Variants in SPATA31H1 observed in about 807,000 individuals in gnomAD.
The protein encoded by SPATA31H1 is SPATA31 subfamily H member 1, also known as spermatogenesis-associated protein 31H1.
At chr2:27,582,613 C>A in the SPATA31H1 span, 8 of 1,349,892 alleles carry the variant, frequency 5.9e-6, no homozygotes, top group South Asian at 8.6e-5. Flanking sequence ...CCACTGCCTC[C>A]AATTCCTGCG....
the SPATA31H1 span, chr2:27,565,195 G>A: frequency 8.3e-6 from 5 of 604,238 alleles, no homozygotes; most frequent in South Asian, 1.0e-4. Context: ...GCATTTACAT[G>A]TGGTTATGGA....
chr2:27,548,439 C>G, the SPATA31H1 span, among the ~76,000 whole-genome samples: 2 of 151,394 alleles, frequency 1.3e-5, no homozygotes, highest in African/African-American at 4.9e-5. Flanking sequence ...GAAACCCTGA[C>G]TCTACTAACA....
chr2:27,567,164 G>C, the SPATA31H1 span: 20 of 669,332 alleles, frequency 3.0e-5, no homozygotes, highest in Middle Eastern at 7.2e-4. Context: ...AAAATGATGA[G>C]AGAATGAGCA....
the SPATA31H1 span, chr2:27,579,836 T>A: frequency 6.2e-7 from 1 of 1,614,094 alleles, no homozygotes; most frequent in Non-Finnish European, 8.5e-7. Flanking sequence ...TGCTAGAAGA[T>A]CTGCAGCTAA....
chr2:27,581,720 AAGCCATCGCAGTCCCGCTCGGAGG>A, the SPATA31H1 span: 82 of 1,611,038 alleles, frequency 5.1e-5, no homozygotes, highest in Non-Finnish European at 6.7e-5. Context: ...CCTCTAAGAG[AAGCCATCGCAGTCCCGCTCGGAGG>A]AGCCATCGCA....
At chr2:27,553,996 A>G in the SPATA31H1 span, among the ~76,000 whole-genome samples, 1 of 152,098 alleles carries the variant, frequency 6.6e-6, no homozygotes, top group Non-Finnish European at 1.5e-5. Context: ...TCCATAGAAC[A>G]CTAGAACATG....
At chr2:27,574,637 ATCT>A in the SPATA31H1 span, 1 of 398,402 alleles carries the variant, frequency 2.5e-6, no homozygotes, top group African/African-American at 2.1e-5. Flanking sequence ...AAAGCGAAAA[ATCT>A]TCTGAGTTGA....
At chr2:27,581,160 C>A in the SPATA31H1 span, 1 of 1,614,240 alleles carries the variant, frequency 6.2e-7, no homozygotes, top group South Asian at 1.1e-5. Flanking sequence ...GCACCGACAT[C>A]TTAAAGACAA....
the SPATA31H1 span, chr2:27,567,094 A>G: frequency 1.4e-6 from 1 of 713,684 alleles, no homozygotes; most frequent in Non-Finnish European, 2.6e-6. Flanking sequence ...TTACAACCTC[A>G]GAGCTCTTTT....
At chr2:27,580,074 T>C in the SPATA31H1 span, 1 of 1,614,140 alleles carries the variant, frequency 6.2e-7, no homozygotes, top group Non-Finnish European at 8.5e-7. Flanking sequence ...GCATCTTGGC[T>C]TTAGGCTGAG....
chr2:27,580,150 C>G, the SPATA31H1 span: 1 of 1,614,152 alleles, frequency 6.2e-7, no homozygotes, highest in Non-Finnish European at 8.5e-7. Context: ...CGGAGAAGCC[C>G]TATATCACCA....
At chr2:27,540,794 G>A in the SPATA31H1 span, among the ~76,000 whole-genome samples, 148 of 73,656 alleles carry the variant, frequency 2.0e-3, no homozygotes, top group South Asian at 3.3e-3. Flanking sequence ...GACGATGGGC[G>A]GCCGGGCAGA....
the SPATA31H1 span, among the ~76,000 whole-genome samples, chr2:27,560,391 C>T: frequency 2.0e-5 from 3 of 151,654 alleles, no homozygotes; most frequent in East Asian, 5.8e-4. Flanking sequence ...TCAATAGCAT[C>T]TTAAATTTAA....
chr2:27,544,591 G>A, the SPATA31H1 span, among the ~76,000 whole-genome samples: 1 of 140,472 alleles, frequency 7.1e-6, no homozygotes, highest in Admixed American at 8.0e-5. Context: ...CTGGAGTACA[G>A]TGGCGCAATC....
At chr2:27,537,697 G>A in the SPATA31H1 span, 7 of 628,304 alleles carry the variant, frequency 1.1e-5, no homozygotes, top group Non-Finnish European at 2.0e-5. Context: ...CCCATGGATA[G>A]TCTTCCTATA....
At chr2:27,573,243 T>A in the SPATA31H1 span, 14 of 397,896 alleles carry the variant, frequency 3.5e-5, no homozygotes, top group Non-Finnish European at 5.8e-5. Flanking sequence ...AGGACCACAG[T>A]TGCAGAAAGG....
chr2:27,538,644 C>G, the SPATA31H1 span, among the ~76,000 whole-genome samples: 9 of 151,970 alleles, frequency 5.9e-5, no homozygotes, highest in South Asian at 1.5e-3. Context: ...CCAGCCTGGC[C>G]AACATGGTGG....
chr2:27,581,104 A>G, the SPATA31H1 span: 1 of 1,614,254 alleles, frequency 6.2e-7, no homozygotes, highest in East Asian at 2.2e-5. Context: ...ACCAGAGTTC[A>G]GGCCCGAGGA....
chr2:27,561,607 C>T, the SPATA31H1 span, among the ~76,000 whole-genome samples: 1 of 152,134 alleles, frequency 6.6e-6, no homozygotes, highest in Non-Finnish European at 1.5e-5. Context: ...TCTTACATTT[C>T]ACATTTTAGT....
Sources: gnomAD v4.1 joint callset for allele counts (sites outside exome capture counted in the v4.1 genomes callset) on GRCh38, gnomAD v4.1.1 for gene constraint, MANE v1.5 for transcripts, NCBI Gene and HGNC (gene_info 2026-07-23, HGNC 2026-07-21) for gene names.